Variants in ACTN2 observed in about 807,000 individuals in gnomAD.
ACTN2 encodes alpha-actinin-2.
Under a neutral mutation model 113.8 loss-of-function variants are expected in ACTN2, and 39 were observed. That is an observed-to-expected ratio of 0.34 (90% CI 0.27 to 0.45). The LOEUF is 0.45. ACTN2 is among the 20% of genes least tolerant of loss of function. The probability of loss-of-function intolerance (pLI) is 1.00; values close to 1 mark genes in which losing one functional copy is unlikely to be tolerated. For missense variants in ACTN2, 992 were observed against 1,177.9 expected (o/e 0.84, Z 2.31); for synonymous variants, 429 against 444.1 (o/e 0.97, Z 0.43).
intron 1 of ACTN2, among the ~76,000 whole-genome samples, chr1:236,704,748 G>C (rs1193556903): frequency 6.6e-6 from 1 of 152,220 alleles, no homozygotes; most frequent in Non-Finnish European, 1.5e-5. Context: ...CACGTGTTCA[G>C]TTAACCTGGA....
At position 236,763,234 on chromosome 1, in the gene ACTN2, C is replaced by T. The variant is rs1042536651; in HGVS notation, c.*615C>T. On this transcript the variant is annotated 3_prime_UTR_variant, in exon 21 of 21. Transcript: ENST00000366578. ...CAATTTTTAAAATAGTTTATGTCAT[C>T]TCTTCATTATTTAGGGCTGGATGGT... is the stretch of plus-strand genomic sequence containing the variant. 6.3e-6 allele frequency: 1 copy of T among 159,510 alleles called. No homozygotes were observed. Among genetic ancestry groups the T allele is most frequent in the African/African-American group, 2.4e-5 (1 of 41,458 alleles). The allele number at this position is 159,510 out of a possible 1,614,324, so 9.9% of individuals were successfully genotyped here. A position where few individuals can be genotyped will look rare whatever the true frequency, so the allele number is the denominator to read the frequency against.
intron 15 of ACTN2, among the ~76,000 whole-genome samples, chr1:236,753,079 G>T (rs1659450498): frequency 6.6e-6 from 1 of 152,174 alleles, no homozygotes. Flanking sequence ...CAGAAAGCAG[G>T]TAGACAGGTG....
Position 236,736,133 on chromosome 1 carries a change from C to T in ACTN2, c.783+413C>T, listed in dbSNP as rs140736921. Among the ~76,000 whole-genome samples the T allele has an allele frequency of 4.0e-3, 611 of 152,326 alleles. 4 individuals are homozygous for T. Among genetic ancestry groups the T allele is most frequent in the African/African-American group, 0.013 (555 of 41,568 alleles). On this transcript the variant is annotated intron_variant, in intron 8 of 20. Transcript: ENST00000366578. Reference sequence around the variant, plus strand: ...CAGTTCCGTGATTTGGTCTAACATCCTTCAAGACTAATCTTATTTTAAGTG... The same window carrying T: ...CAGTTCCGTGATTTGGTCTAACATCTTTCAAGACTAATCTTATTTTAAGTG...
intron 7 of ACTN2, among the ~76,000 whole-genome samples, chr1:236,732,850 A>G (rs536656543): frequency 2.6e-5 from 4 of 152,336 alleles, no homozygotes; most frequent in African/African-American, 9.6e-5. Flanking sequence ...CTAACTTCCA[A>G]ATAAGGTTAC....
chr1:236,751,804 G>T (rs958549388), intron 15 of ACTN2, 152 bp downstream of exon 15: 16 of 903,248 alleles, frequency 1.8e-5, no homozygotes, highest in Non-Finnish European at 2.3e-5. Flanking sequence ...GGCAAAACGT[G>T]ACAAACTCTT....
intron 4 of ACTN2, among the ~76,000 whole-genome samples, 195 bp from the exon 5 acceptor site, chr1:236,725,738 C>G (rs1397812008): frequency 6.6e-6 from 1 of 152,148 alleles, no homozygotes; most frequent in Non-Finnish European, 1.5e-5. Flanking sequence ...CCTGCATTGT[C>G]CTTTTGAAGT....
At chr1:236,750,614 A>G (rs1209321922) in intron 14 of ACTN2, among the ~76,000 whole-genome samples, 1 of 152,212 alleles carries the variant, frequency 6.6e-6, no homozygotes, top group Non-Finnish European at 1.5e-5. Context: ...GGGGCTGCTC[A>G]TGTTCAGGTC....
At chr1:236,715,450 A>T (rs1214084004) in intron 1 of ACTN2, among the ~76,000 whole-genome samples, 1 of 152,038 alleles carries the variant, frequency 6.6e-6, no homozygotes, top group African/African-American at 2.4e-5. Flanking sequence ...AAACTTAATT[A>T]TCTATAGTGT....
rs569125761 is a variant in ACTN2 at position 236,715,504 on chromosome 1, G to T, written c.127-2354G>T. On this transcript the variant is annotated intron_variant, in intron 1 of 20. Transcript: ENST00000366578. ...GTGATGATAGGAATGTTGTATATTTGCACCATCCAATACTACTAGCCATAT... is the reference window on the plus strand; with the variant it reads ...GTGATGATAGGAATGTTGTATATTTTCACCATCCAATACTACTAGCCATAT... Among the ~76,000 whole-genome samples the T allele has an allele frequency of 4.1e-4, 63 of 152,020 alleles. 1 individual carries two copies. The highest frequency in any genetic ancestry group is 1.4e-3 in the African/African-American group (57 of 41,476).
In ACTN2 at chr1:236,725,955, G is replaced by A; in HGVS notation, c.471G>A (p.Leu157=). ...SVEETSAKEG[L]LLWCQRKTAP... is the part of the protein sequence containing the mutation. ...CAGAAACATCTGCCAAAGAAGGTCT[G>A]CTGCTTTGGTGTCAGAGGAAAACTG... The change falls in exon 5 of 21, where the codon CTG becomes CTA. Residue 157 remains leucine, a synonymous_variant. Coordinates refer to ENST00000366578, the MANE Select transcript of ACTN2 (RefSeq NM_001103.4). The A allele has an allele frequency of 6.2e-7, 1 of 1,614,220 alleles. No homozygotes were observed. The highest frequency in any genetic ancestry group is 1.6e-4 in the Middle Eastern group (1 of 6,062).
intron 3 of ACTN2, 110 bp downstream of exon 3, chr1:236,719,123 TG>T (rs1483124380): frequency 6.7e-7 from 1 of 1,491,422 alleles, no homozygotes; most frequent in African/African-American, 1.4e-5. Context: ...TTACTGTACC[TG>T]CCTTGTATCA....
intron 7 of ACTN2, among the ~76,000 whole-genome samples, chr1:236,735,220 T>C (rs1201349625): frequency 6.6e-6 from 1 of 152,156 alleles, no homozygotes; most frequent in Non-Finnish European, 1.5e-5. Context: ...CCTGTGAATA[T>C]TCCCCGCATC....
intron 10 of ACTN2, 117 bp downstream of exon 10, chr1:236,739,649 A>C (rs1659008919): frequency 7.9e-7 from 1 of 1,269,932 alleles, no homozygotes; most frequent in Non-Finnish European, 1.1e-6. Flanking sequence ...AGTTGTGTGA[A>C]TATCATTTTG....
intron 1 of ACTN2, among the ~76,000 whole-genome samples, chr1:236,696,113 C>T (rs960381459): frequency 2.0e-5 from 3 of 151,984 alleles, no homozygotes; most frequent in Non-Finnish European, 4.4e-5. Flanking sequence ...TCGAGACCAG[C>T]CTGGCCAACA....
chr1:236,732,917 C>T (rs1467157620), intron 7 of ACTN2, among the ~76,000 whole-genome samples: 1 of 152,206 alleles, frequency 6.6e-6, no homozygotes, highest in African/African-American at 2.4e-5. Context: ...AAATGCAGTT[C>T]AACCCAAAAC....
Position 236,737,322 on chromosome 1 carries a change from G to GCATTTTT in ACTN2, c.876+112_876+118dup, listed in dbSNP as rs1180965679. 1.4e-4 allele frequency: 21 copies of GCATTTTT among 150,958 alleles called. 2 individuals are homozygous for GCATTTTT. Among genetic ancestry groups the GCATTTTT allele is most frequent in the Non-Finnish European group, 9.1e-5 (6 of 66,112 alleles). 9.4% of individuals were successfully genotyped at this position (150,958 alleles called of 1,614,324 possible). On this transcript the variant is annotated intron_variant, in intron 9 of 20. Coordinates refer to ENST00000366578, the MANE Select transcript of ACTN2 (RefSeq NM_001103.4). ...GCATATATATATATATATATATTTT[G>GCATTTTT]CATTTTTCATCTCAGATAGGATGAA...
intron 14 of ACTN2, among the ~76,000 whole-genome samples, chr1:236,750,800 A>T (rs1659370390): frequency 6.6e-6 from 1 of 152,120 alleles, no homozygotes; most frequent in Non-Finnish European, 1.5e-5. Context: ...TAGAAAGGGC[A>T]TCTAAGGGCT....
intron 1 of ACTN2, among the ~76,000 whole-genome samples, chr1:236,703,836 A>C (rs1441528574): frequency 6.6e-6 from 1 of 152,182 alleles, no homozygotes; most frequent in Non-Finnish European, 1.5e-5. Context: ...GGTAGAGATA[A>C]GTAATTGCAG....
At position 236,762,890 on chromosome 1, in the gene ACTN2, A is replaced by G. The variant is rs542271531; in HGVS notation, c.*271A>G. ...CAGGTTGATTTCTTTGATTAAACAG[A>G]ACAAATTACTTGAGTAATAGGAAAT... On this transcript the variant is annotated 3_prime_UTR_variant, in exon 21 of 21. Transcript: ENST00000366578. 2.2e-6 allele frequency: 1 copy of G among 449,506 alleles called. No homozygotes were observed. Among genetic ancestry groups the G allele is most frequent in the African/African-American group, 2.0e-5 (1 of 50,426 alleles). 27.8% of individuals were successfully genotyped at this position (449,506 alleles called of 1,614,324 possible).
Sources: gnomAD v4.1 joint callset for allele counts (sites outside exome capture counted in the v4.1 genomes callset) on GRCh38, gnomAD v4.1.1 for gene constraint, MANE v1.5 for transcripts, NCBI Gene and HGNC (gene_info 2026-07-23, HGNC 2026-07-21) for gene names.